Variants in SEMA6B observed in about 807,000 individuals in gnomAD.
SEMA6B encodes the protein semaphorin 6B, also known as semaphorin-6B.
Under a neutral mutation model 78.6 loss-of-function variants are expected in SEMA6B, and 47 were observed. The ratio of observed to expected loss-of-function variants is 0.60; its 90% CI spans 0.47 to 0.76. SEMA6B has a LOEUF of 0.76. Ranked by LOEUF, SEMA6B falls within the 30% of genes least tolerant of loss-of-function variation. The pLI, the probability that SEMA6B is intolerant of heterozygous loss-of-function variation, is 0.00. For synonymous variants in SEMA6B, 632 were observed against 592.2 expected, an observed-to-expected ratio of 1.07 and a Z score of -0.98; for missense variants, 1,213 against 1,269.9, an observed-to-expected ratio of 0.96 and a Z score of 0.68.
rs200980826 is a variant in SEMA6B, at chr19:4,550,982, C to T, written c.990-52G>A. 1,455 of 1,603,024 alleles carry T rather than the reference C, an allele frequency of 9.1e-4. 2 individuals are homozygous for T. Among genetic ancestry groups the T allele is most frequent in the South Asian group, 2.2e-3 (201 of 90,292 alleles). On this transcript the variant is annotated intron_variant, in intron 10 of 16. Transcript: ENST00000586582. The surrounding 1 kb of genome is among the most constrained non-coding windows in gnomAD (Gnocchi z 6.6). ...GTGAGCCCGGTGGGAGGCCCCATCT[C>T]GGACAAGTGCGTGCAGGAGCCTCTG...
At position 4,552,683 on chromosome 19, in the gene SEMA6B, CAGGA is replaced by C. The variant is rs1407261709; in HGVS notation, c.772-48_772-45del. ...GGACGGGGGCCTGAGCTCTGTGTCC[CAGGA>C]AGGCCTGTTCACAGGCTGTGCCACT... is the stretch of plus-strand genomic sequence containing the variant. On this transcript the variant is annotated intron_variant, in intron 9 of 16. Transcript: ENST00000586582. This position sits in a 1 kb window ranked among gnomAD's most constrained non-coding sequence, Gnocchi z 7.4. 2 of 1,540,860 alleles carry C rather than the reference CAGGA, an allele frequency of 1.3e-6. No individual in the cohort carries two copies. Among genetic ancestry groups the C allele is most frequent in the South Asian group, 2.5e-5 (2 of 81,316 alleles).
rs868718888 is a variant in SEMA6B, at chr19:4,549,501, C to T, written c.1271+622G>A. On this transcript the variant is annotated intron_variant, in intron 12 of 16. Coordinates refer to ENST00000586582, the MANE Select transcript of SEMA6B (RefSeq NM_032108.4). ...ATTTTATTTTATTTTATTTTTGAGA[C>T]GGAGTTTCGCTCTTTCGCCCAGGCG... Among the ~76,000 whole-genome samples, 12 of 123,522 alleles carry T rather than the reference C, an allele frequency of 9.7e-5. No homozygotes were observed. In the South Asian group the frequency reaches 1.6e-3, roughly 16 times the overall value. 81.0% of individuals were successfully genotyped at this position (123,522 alleles called of 152,430 possible). A position where few individuals can be genotyped will look rare whatever the true frequency, so the allele number is the denominator to read the frequency against.
chr19:4,550,356 C>T lies in SEMA6B; in HGVS notation c.1122-84G>A. The stretch of plus-strand genomic sequence containing the variant: ...TTCACCAGAGGTACCCATTGCTTTG[C>T]CCAACGACCCTCAGGTTTTTTGTTT... On this transcript the variant is annotated intron_variant, in intron 11 of 16. Coordinates refer to ENST00000586582, the MANE Select transcript of SEMA6B (RefSeq NM_032108.4). This position sits in a 1 kb window ranked among gnomAD's most constrained non-coding sequence, Gnocchi z 6.6. The T allele has an allele frequency of 7.0e-7, 1 of 1,436,016 alleles. No homozygotes were observed. Among genetic ancestry groups the T allele is most frequent in the Non-Finnish European group, 9.6e-7 (1 of 1,037,284 alleles). The allele number at this position is 1,436,016 out of a possible 1,614,324, so 89.0% of individuals were successfully genotyped here.
chr19:4,558,367 G>A lies in SEMA6B; in HGVS notation c.91C>T (p.Pro31Ser), dbSNP rs761166992. The change falls in exon 2 of 17, where the codon CCG becomes TCG. Residue 31 changes from proline (P) to serine (S), a missense_variant. Pro to Ser is a moderately conservative substitution (Grantham distance 74, BLOSUM62 -1). Transcript: ENST00000586582. The surrounding 1 kb of genome is among the most constrained non-coding windows in gnomAD (Gnocchi z 5.1). ...GGAHGLFPEE[P>S]PPLSVAPRDY... Reference sequence around the variant, plus strand: ...CTGGGGGCCACGCTAAGCGGCGGCGGCTCCTCAGGAAAGAGGCCGTGGGCG... The same window carrying A: ...CTGGGGGCCACGCTAAGCGGCGGCGACTCCTCAGGAAAGAGGCCGTGGGCG... 1.0e-5 allele frequency: 13 copies of A among 1,295,716 alleles called. No homozygotes were observed. The South Asian group carries it at 2.9e-4, about 29-fold the overall frequency. 80.3% of individuals were successfully genotyped at this position (1,295,716 alleles called of 1,614,324 possible).
rs778548289 is a variant in SEMA6B, at chr19:4,546,299, A to T, written c.1680-25T>A. On this transcript the variant is annotated intron_variant, in intron 15 of 16. Coordinates refer to ENST00000586582, the MANE Select transcript of SEMA6B (RefSeq NM_032108.4). ...TCTAATGGGGAGAGGAGGCACCGTCAGCAGAGGCCCCTCTCACAGTCAGAG... is the reference window on the plus strand; with the variant it reads ...TCTAATGGGGAGAGGAGGCACCGTCTGCAGAGGCCCCTCTCACAGTCAGAG... 8 of 1,612,252 alleles carry T rather than the reference A, an allele frequency of 5.0e-6. No individual in the cohort carries two copies. The African/African-American group carries it at 1.1e-4, about 21-fold the overall frequency.
Position 4,542,790 on chromosome 19 carries a change from G to C in SEMA6B, c.*811C>G. The C allele has an allele frequency of 1.5e-6, 1 of 687,294 alleles. No homozygotes were observed. Among genetic ancestry groups the C allele is most frequent in the Non-Finnish European group, 2.7e-6 (1 of 376,598 alleles). 42.6% of individuals were successfully genotyped at this position (687,294 alleles called of 1,614,324 possible). A position where few individuals can be genotyped will look rare whatever the true frequency, so the allele number is the denominator to read the frequency against. ...CAGAGGGGCCCCACCCACCTTCGCC[G>C]CCCCCCAGGCCCCCAAGCCCTTTAG... is the stretch of plus-strand genomic sequence containing the variant. On this transcript the variant is annotated 3_prime_UTR_variant, in exon 17 of 17. Transcript: ENST00000586582.
Position 4,543,374 on chromosome 19 carries a change from T to TGGGGGGGGCCCCCCC in SEMA6B, c.*226_*227insGGGGGGGCCCCCCCC. 2.8e-6 allele frequency: 1 copy of TGGGGGGGGCCCCCCC among 363,596 alleles called. No individual in the cohort carries two copies. Among genetic ancestry groups the TGGGGGGGGCCCCCCC allele is most frequent in the African/African-American group, 2.3e-5 (1 of 44,194 alleles). 22.5% of individuals were successfully genotyped at this position (363,596 alleles called of 1,614,324 possible). On this transcript the variant is annotated 3_prime_UTR_variant, in exon 17 of 17. Coordinates refer to ENST00000586582, the MANE Select transcript of SEMA6B (RefSeq NM_032108.4). ...CAACCTCAAATCCATAGCAAAGTCC[T>TGGGGGGGGCCCCCCC]CCCGCCCACCCACCCCCAAACCGTC...
rs772618530 is a variant in SEMA6B, at chr19:4,544,071, G to A, written c.2197C>T (p.Arg733Cys). 8.1e-6 allele frequency: 10 copies of A among 1,233,894 alleles called. No homozygotes were observed. The African/African-American group carries it at 1.3e-4, about 16-fold the overall frequency. 76.4% of individuals were successfully genotyped at this position (1,233,894 alleles called of 1,614,324 possible). ...PHPHPHALGP[R>C]AWDHGHPLLP... Reference sequence around the variant, plus strand: ...AGGGGGTGGCCGTGGTCCCAGGCGCGGGGGCCCAGGGCGTGGGGGTGCGGG... The same window carrying A: ...AGGGGGTGGCCGTGGTCCCAGGCGCAGGGGCCCAGGGCGTGGGGGTGCGGG... The change falls in exon 17 of 17, where the codon CGC (arginine) becomes TGC (cysteine). Residue 733 changes from arginine (R) to cysteine (C), a missense_variant. Arg to Cys is a radical substitution (Grantham distance 180). Transcript: ENST00000586582. This position sits in a 1 kb window ranked among gnomAD's most constrained non-coding sequence, Gnocchi z 5.1.
rs774782657 is a variant in SEMA6B at position 4,558,352 on chromosome 19, C to T, written c.106G>A (p.Val36Met). 3 of 1,303,880 alleles carry T rather than the reference C, an allele frequency of 2.3e-6. No individual in the cohort carries two copies. The highest frequency in any genetic ancestry group is 5.7e-5 in the South Asian group (2 of 35,126). 80.8% of individuals were successfully genotyped at this position (1,303,880 alleles called of 1,614,324 possible). A position where few individuals can be genotyped will look rare whatever the true frequency, so the allele number is the denominator to read the frequency against. ...CCAGACTCACAGTCCCTGGGGGCCA[C>T]GCTAAGCGGCGGCGGCTCCTCAGGA... The part of the protein sequence containing the change: ...LFPEEPPPLS[V>M]APRDYLNHYP... The change falls in exon 2 of 17, where the codon GTG becomes ATG. Residue 36 changes from valine (V) to methionine (M), a missense_variant. Val to Met is a conservative substitution (Grantham distance 21). Transcript: ENST00000586582. The surrounding 1 kb of genome is among the most constrained non-coding windows in gnomAD (Gnocchi z 5.1).
At position 4,544,250 on chromosome 19, in the gene SEMA6B, GCGCCAC is replaced by G. The variant is rs1405324461; in HGVS notation, c.2012_2017del (p.Gly671_Gly672del). ...CAGCAGGGCCTCCGGGGGAACCCCGGCGCCACCGCCACCGCCTCCGCCCCGGCCCCC... is the reference window on the plus strand; with the variant it reads ...CAGCAGGGCCTCCGGGGGAACCCCGGCGCCACCGCCTCCGCCCCGGCCCCC... On this transcript the variant is annotated inframe_deletion, in exon 17 of 17. Coordinates refer to ENST00000586582, the MANE Select transcript of SEMA6B (RefSeq NM_032108.4). This position sits in a 1 kb window ranked among gnomAD's most constrained non-coding sequence, Gnocchi z 5.1. The G allele has an allele frequency of 3.1e-6, 4 of 1,279,058 alleles. No homozygotes were observed. The highest frequency in any genetic ancestry group is 2.8e-4 in the Middle Eastern group (1 of 3,516). 79.2% of individuals were successfully genotyped at this position (1,279,058 alleles called of 1,614,324 possible).
In SEMA6B at chr19:4,548,348, A is replaced by G; in HGVS notation, c.1369T>C (p.Phe457Leu). The change falls in exon 13 of 17, where the codon TTC becomes CTC. Residue 457 changes from phenylalanine (F) to leucine (L), a missense_variant. Phe to Leu is a conservative substitution (Grantham distance 22). Transcript: ENST00000586582. ...LGSEAGTVLK[F>L]LVRPNASTSG... ...GTGCTGGCATTGGGCCGGACGAGGAACTTGAGGACCGTCCCCGCCTCAGAA... is the reference window on the plus strand; with the variant it reads ...GTGCTGGCATTGGGCCGGACGAGGAGCTTGAGGACCGTCCCCGCCTCAGAA... 1 of 1,613,882 alleles carries G rather than the reference A, an allele frequency of 6.2e-7. No individual in the cohort carries two copies. The highest frequency in any genetic ancestry group is 8.5e-7 in the Non-Finnish European group (1 of 1,180,004).
At chr19:4,556,346 C>T (rs1977469572) in intron 5 of SEMA6B, among the ~76,000 whole-genome samples, 1 of 152,112 alleles carries the variant, frequency 6.6e-6, no homozygotes, top group African/African-American at 2.4e-5. Flanking sequence ...GAGTCCTAAC[C>T]TGGGATGGAG....
chr19:4,543,173 G>A lies in SEMA6B; in HGVS notation c.*428C>T. 3.4e-6 allele frequency: 2 copies of A among 595,696 alleles called. No homozygotes were observed. Among genetic ancestry groups the A allele is most frequent in the Non-Finnish European group, 6.0e-6 (2 of 333,106 alleles). The allele number at this position is 595,696 out of a possible 1,614,324, so 36.9% of individuals were successfully genotyped here. A position where few individuals can be genotyped will look rare whatever the true frequency, so the allele number is the denominator to read the frequency against. ...ACACGCCAGGGGCCTGGGTTGGGGA[G>A]GGACCTTTCCAGGGGTGGGGGAGGG... On this transcript the variant is annotated 3_prime_UTR_variant, in exon 17 of 17. Coordinates refer to ENST00000586582, the MANE Select transcript of SEMA6B (RefSeq NM_032108.4).
chr19:4,543,609 CG>C lies in SEMA6B; in HGVS notation c.2658del (p.Val887CysfsTer85), dbSNP rs1252667046. The C allele has an allele frequency of 8.1e-7, 1 of 1,234,084 alleles. No homozygotes were observed. Among genetic ancestry groups the C allele is most frequent in the Non-Finnish European group, 1.0e-6 (1 of 987,872 alleles). The allele number at this position is 1,234,084 out of a possible 1,614,324, so 76.4% of individuals were successfully genotyped here. A position where few individuals can be genotyped will look rare whatever the true frequency, so the allele number is the denominator to read the frequency against. The part of the protein sequence containing the change: ...PYGGADRTAP[P>X]VP Reference sequence around the variant, plus strand: ...ATCGGGGGGCCCCCGGCCTAGGGCACGGGGGGCGCAGTCCTGTCCGCCCCCC... The same window carrying C: ...ATCGGGGGGCCCCCGGCCTAGGGCACGGGGGCGCAGTCCTGTCCGCCCCCC... On this transcript the variant is annotated frameshift_variant, in exon 17 of 17. Coordinates refer to ENST00000586582, the MANE Select transcript of SEMA6B (RefSeq NM_032108.4). LOFTEE classifies it high-confidence loss of function.
chr19:4,548,750 C>G lies in SEMA6B; in HGVS notation c.1272-305G>C, dbSNP rs1242684649. On this transcript the variant is annotated intron_variant, in intron 12 of 16. Transcript: ENST00000586582. ...TGGCGCAATCTCAGCTCATTGCAAC[C>G]TCCGCCTCCCGGGTTCAAGCAATTC... Among the ~76,000 whole-genome samples the G allele has an allele frequency of 3.9e-5, 6 of 152,202 alleles. 1 individual carries two copies. Among genetic ancestry groups the G allele is most frequent in the African/African-American group, 1.4e-4 (6 of 41,452 alleles).
rs1320801271 is a variant in SEMA6B at position 4,559,587 on chromosome 19, C to T, written c.-90G>A. The T allele has an allele frequency of 6.6e-6, 1 of 152,286 alleles. No individual in the cohort carries two copies. Among genetic ancestry groups the T allele is most frequent in the Non-Finnish European group, 1.5e-5 (1 of 68,106 alleles). The allele number at this position is 152,286 out of a possible 1,614,324, so 9.4% of individuals were successfully genotyped here. A position where few individuals can be genotyped will look rare whatever the true frequency, so the allele number is the denominator to read the frequency against. ...CGAATGAGAAGTTCAGCAGCCTCGT[C>T]CTTCTGGGAAGTATTGGGCAAGCTC... On this transcript the variant is annotated 5_prime_UTR_variant, in exon 1 of 17. Transcript: ENST00000586582.
rs1056127412 is a variant in SEMA6B, at chr19:4,542,945, C to T, written c.*656G>A. The T allele has an allele frequency of 2.7e-5, 19 of 700,652 alleles. No homozygotes were observed. Among genetic ancestry groups the T allele is most frequent in the Non-Finnish European group, 2.6e-5 (10 of 384,788 alleles). The allele number at this position is 700,652 out of a possible 1,614,324, so 43.4% of individuals were successfully genotyped here. A position where few individuals can be genotyped will look rare whatever the true frequency, so the allele number is the denominator to read the frequency against. On this transcript the variant is annotated 3_prime_UTR_variant, in exon 17 of 17. Transcript: ENST00000586582. ...TCCTAACCGGCACCTCGGAGACCCC[C>T]GGGCCTTCTGGAAGCCCCAGCGTCG... is the stretch of plus-strand genomic sequence containing the variant.
In SEMA6B at chr19:4,552,278, C is replaced by T; in HGVS notation, c.989+144G>A. On this transcript the variant is annotated intron_variant, in intron 10 of 16. Transcript: ENST00000586582. This position sits in a 1 kb window ranked among gnomAD's most constrained non-coding sequence, Gnocchi z 7.4. ...GAGGGTCAGTGTCAGCTTGTCCCAC[C>T]CCAGCCTGGGGCCGAGGCCTCTCAG... 1.3e-6 allele frequency: 1 copy of T among 784,414 alleles called. No individual in the cohort carries two copies. The highest frequency in any genetic ancestry group is 1.8e-5 in the South Asian group (1 of 54,470). 48.6% of individuals were successfully genotyped at this position (784,414 alleles called of 1,614,324 possible). A position where few individuals can be genotyped will look rare whatever the true frequency, so the allele number is the denominator to read the frequency against.
At position 4,543,419 on chromosome 19, in the gene SEMA6B, G is replaced by A. The variant is rs1977072023; in HGVS notation, c.*182C>T. On this transcript the variant is annotated 3_prime_UTR_variant, in exon 17 of 17. Coordinates refer to ENST00000586582, the MANE Select transcript of SEMA6B (RefSeq NM_032108.4). ...ACCGTCTCAGCGTCCTGCGGCCCCG[G>A]GTAGGGGGAGGGCGAGCTGGTTGTG... The A allele has an allele frequency of 1.3e-5, 2 of 154,508 alleles. No homozygotes were observed. The highest frequency in any genetic ancestry group is 2.0e-4 in the East Asian group (1 of 4,946). 9.6% of individuals were successfully genotyped at this position (154,508 alleles called of 1,614,324 possible). A position where few individuals can be genotyped will look rare whatever the true frequency, so the allele number is the denominator to read the frequency against.
Sources: gnomAD v4.1 joint callset for allele counts (sites outside exome capture counted in the v4.1 genomes callset) on GRCh38, gnomAD v4.1.1 for gene constraint, Gnocchi (gnomAD v3.1) non-coding constraint, MANE v1.5 for transcripts, NCBI Gene and HGNC (gene_info 2026-07-23, HGNC 2026-07-21) for gene names.